Variants in PCNX2 observed in about 807,000 individuals in gnomAD.
PCNX2 encodes pecanex-like protein 2.
Under a neutral mutation model 223.8 loss-of-function variants are expected in PCNX2, and 168 were observed. The observed-to-expected ratio is 0.75, with a 90% confidence interval of 0.66 to 0.85. The LOEUF is 0.85. PCNX2 is among the 40% of genes least tolerant of loss of function. The pLI is 0.00. For synonymous variants in PCNX2, 1,006 were observed against 1,052.6 expected (o/e 0.96, Z 0.86); for missense variants, 2,507 against 2,675.5 (o/e 0.94, Z 1.39).
At chr1:233,145,652 A>T (rs1677399746) in intron 19 of PCNX2, among the ~76,000 whole-genome samples, 1 of 152,116 alleles carries the variant, frequency 6.6e-6, no homozygotes, top group Non-Finnish European at 1.5e-5. Context: ...TCACTACCGG[A>T]GGCTGCCAGG....
At chr1:233,110,986 A>C (rs1675079505) in intron 21 of PCNX2, among the ~76,000 whole-genome samples, 1 of 152,176 alleles carries the variant, frequency 6.6e-6, no homozygotes, top group African/African-American at 2.4e-5. Flanking sequence ...CAGTAGAAGA[A>C]ATAAAATGGA....
chr1:233,128,792 A>G (rs1676253448), intron 21 of PCNX2, among the ~76,000 whole-genome samples: 1 of 152,232 alleles, frequency 6.6e-6, no homozygotes, highest in Non-Finnish European at 1.5e-5. Context: ...AAATGTCACC[A>G]ATGAATAACA....
intron 21 of PCNX2, among the ~76,000 whole-genome samples, chr1:233,123,550 C>A (rs888155662): frequency 6.6e-6 from 1 of 151,754 alleles, no homozygotes; most frequent in Admixed American, 6.6e-5. Context: ...CCATTGCACT[C>A]CAGCCTGGGC....
rs1386446535 is a variant in PCNX2 at position 232,983,996 on chromosome 1, G to A, written c.*308C>T. 5 of 247,602 alleles carry A rather than the reference G, an allele frequency of 2.0e-5. No homozygotes were observed. The highest frequency in any genetic ancestry group is 5.6e-5 in the Admixed American group (1 of 18,010). 15.3% of individuals were successfully genotyped at this position (247,602 alleles called of 1,614,324 possible). ...TTCTGGAACATGTGTGGTGCTGTCCGCGGTGTGCCGCTCTGGGCAGCGCTG... is the reference window on the plus strand; with the variant it reads ...TTCTGGAACATGTGTGGTGCTGTCCACGGTGTGCCGCTCTGGGCAGCGCTG... On this transcript the variant is annotated 3_prime_UTR_variant, in exon 34 of 34. Coordinates refer to ENST00000258229, the MANE Select transcript of PCNX2 (RefSeq NM_014801.4).
chr1:233,144,650 A>C (rs1352062234), intron 19 of PCNX2, among the ~76,000 whole-genome samples: 1 of 152,180 alleles, frequency 6.6e-6, no homozygotes, highest in Non-Finnish European at 1.5e-5. Flanking sequence ...GTATCTTTTT[A>C]CATGTTTACT....
rs60556502 is a variant in PCNX2 at position 233,199,795 on chromosome 1, TACACACAC to T, written c.2974+351_2974+358del. On this transcript the variant is annotated intron_variant, in intron 14 of 33. Coordinates refer to ENST00000258229, the MANE Select transcript of PCNX2 (RefSeq NM_014801.4). ...AGACTTGAGCATGTGTGTGCTCAAA[TACACACAC>T]ACACACACACACACACACTTATATC... Among the ~76,000 whole-genome samples, 336 of 147,962 alleles carry T rather than the reference TACACACAC, an allele frequency of 2.3e-3. 1 individual carries two copies. Among genetic ancestry groups the T allele is most frequent in the African/African-American group, 8.0e-3 (325 of 40,394 alleles).
intron 12 of PCNX2, among the ~76,000 whole-genome samples, chr1:233,216,436 A>G (rs942955657): frequency 1.3e-5 from 2 of 152,238 alleles, no homozygotes; most frequent in African/African-American, 4.8e-5. Context: ...TAAAGAGATT[A>G]GCTTCATGTA....
At chr1:233,146,878 A>G (rs1315069225) in intron 19 of PCNX2, among the ~76,000 whole-genome samples, 1 of 152,198 alleles carries the variant, frequency 6.6e-6, no homozygotes, top group Non-Finnish European at 1.5e-5. Context: ...GATTGATTTG[A>G]GTGGAGGGAC....
intron 1 of PCNX2, chr1:233,294,066 T>C (rs1422056190): frequency 4.6e-6 from 4 of 874,194 alleles, no homozygotes; most frequent in East Asian, 2.4e-4. Flanking sequence ...AATTTTTCTG[T>C]GAAGTGGTGA....
intron 25 of PCNX2, among the ~76,000 whole-genome samples, chr1:233,052,287 A>G (rs144282823): frequency 5.9e-5 from 9 of 152,360 alleles, no homozygotes; most frequent in African/African-American, 2.2e-4. Flanking sequence ...TCATCTTTAG[A>G]TAATGGTGTT....
chr1:233,118,426 A>G (rs937115671), intron 21 of PCNX2, among the ~76,000 whole-genome samples: 9 of 151,694 alleles, frequency 5.9e-5, no homozygotes, highest in Middle Eastern at 3.2e-3. Context: ...TCAGAAAGGA[A>G]GAAATAAAAT....
chr1:233,322,269 C>T, the PCNX2 span, among the ~76,000 whole-genome samples: 2 of 152,004 alleles, frequency 1.3e-5, no homozygotes, highest in African/African-American at 4.8e-5. Flanking sequence ...TCTTGTGTTG[C>T]GATATATGTC....
chr1:233,200,487 C>G (rs538003725), intron 13 of PCNX2, among the ~76,000 whole-genome samples: 52 of 145,208 alleles, frequency 3.6e-4, no homozygotes, highest in African/African-American at 9.8e-4. Flanking sequence ...TGGAAGCAAT[C>G]TTAGACTCCT....
chr1:233,168,793 G>T (rs1678954568), intron 17 of PCNX2, among the ~76,000 whole-genome samples: 1 of 151,866 alleles, frequency 6.6e-6, no homozygotes, highest in Non-Finnish European at 1.5e-5. Flanking sequence ...TTTTCCAGAT[G>T]ATTATAATAA....
At chr1:233,311,188 A>G in the PCNX2 span, among the ~76,000 whole-genome samples, 3 of 152,220 alleles carry the variant, frequency 2.0e-5, no homozygotes, top group African/African-American at 7.2e-5. Context: ...CTTTGTTACC[A>G]TAGTATTACC....
intron 12 of PCNX2, among the ~76,000 whole-genome samples, chr1:233,214,332 G>A (rs181339086): frequency 2.8e-4 from 42 of 151,904 alleles, no homozygotes; most frequent in South Asian, 4.1e-4. Context: ...ATGATTGAGA[G>A]AAGTAAGTTT....
chr1:232,987,872 G>T (rs533461922), intron 32 of PCNX2, among the ~76,000 whole-genome samples: 1 of 152,340 alleles, frequency 6.6e-6, no homozygotes, highest in South Asian at 2.1e-4. Flanking sequence ...GGGCACTGGT[G>T]CTCCCATCTC....
chr1:233,071,494 T>G (rs72762095), intron 23 of PCNX2, among the ~76,000 whole-genome samples: 16,043 of 152,228 alleles, frequency 0.11, 939 homozygotes, highest in East Asian at 0.16. Context: ...ATGATTTCAT[T>G]CTTTTTATGG....
At chr1:233,218,395 C>T (rs992027798) in intron 10 of PCNX2, among the ~76,000 whole-genome samples, 1 of 148,586 alleles carries the variant, frequency 6.7e-6, no homozygotes, top group East Asian at 2.0e-4. Flanking sequence ...ACTACAGGCA[C>T]CCGCCACCAA....
Sources: gnomAD v4.1 joint callset for allele counts (sites outside exome capture counted in the v4.1 genomes callset) on GRCh38, gnomAD v4.1.1 for gene constraint, MANE v1.5 for transcripts, NCBI Gene and HGNC (gene_info 2026-07-23, HGNC 2026-07-21) for gene names.